SMG7: variants seen among roughly 807,000 people sequenced by gnomAD.
SMG7 encodes nonsense-mediated mRNA decay factor SMG7.
SMG7 carries 34 observed loss-of-function variants against 148.2 expected under a neutral mutation model. The observed-to-expected ratio is 0.23, with a 90% CI of 0.17 to 0.31. The LOEUF is 0.31. Among genes scored for constraint, SMG7 ranks in the 10% least tolerant of loss-of-function variants. The pLI, the probability that SMG7 is intolerant of heterozygous loss-of-function variation, is 1.00. For synonymous variants in SMG7, 492 were observed against 515.1 expected, an observed-to-expected ratio of 0.96 and a Z score of 0.61; for missense variants, 1,114 against 1,408.4, an observed-to-expected ratio of 0.79 and a Z score of 3.35.
intron 4 of SMG7, among the ~76,000 whole-genome samples, chr1:183,524,565 G>A (rs780723955): frequency 1.3e-5 from 2 of 152,132 alleles, no homozygotes; most frequent in Non-Finnish European, 2.9e-5. Context: ...TTAGGAAAAA[G>A]GTGGCATGAT....
At chr1:183,520,969 G>T (rs941527407) in intron 4 of SMG7, among the ~76,000 whole-genome samples, 1 of 151,884 alleles carries the variant, frequency 6.6e-6, no homozygotes, top group Admixed American at 6.6e-5. Context: ...CATTCCACAG[G>T]CAGTGATTGA....
intron 16 of SMG7, 74 bp downstream of exon 16, chr1:183,545,386 G>T: frequency 1.3e-6 from 2 of 1,501,162 alleles, no homozygotes; most frequent in South Asian, 2.5e-5. Flanking sequence ...TGTTAGAAAT[G>T]CTCATTAAAC....
chr1:183,474,223 T>C (rs891775313), intron 1 of SMG7, among the ~76,000 whole-genome samples: 12 of 152,248 alleles, frequency 7.9e-5, no homozygotes, highest in Admixed American at 2.0e-4. Flanking sequence ...GTTGAGTATC[T>C]GTTAGGCAAG....
At chr1:183,550,730 T>C (rs1205399969) in intron 20 of SMG7, 21 bp from the exon 21 acceptor site, 1 of 1,611,542 alleles carries the variant, frequency 6.2e-7, no homozygotes, top group South Asian at 1.1e-5. Flanking sequence ...TACTATATCC[T>C]GTGTTGCTAT....
At position 183,551,172 on chromosome 1, in the gene SMG7, C is replaced by A; in HGVS notation, c.3432C>A (p.Val1144=). Reference sequence around the variant, plus strand: ...CTTCCATGGAGGATTCCTCTGCTGTCCTCATGGAAAGCCTAAAGGTGAGTA... The same window carrying A: ...CTTCCATGGAGGATTCCTCTGCTGTACTCATGGAAAGCCTAAAGGTGAGTA... The part of the protein sequence containing the change: ...HGPSMEDSSA[V]LMESLKSIWS... The change falls in exon 22 of 23, where the codon GTC becomes GTA. Residue 1144 remains valine, a synonymous_variant. Transcript: ENST00000688051. 1 of 1,579,064 alleles carries A rather than the reference C, an allele frequency of 6.3e-7. No individual in the cohort carries two copies. The highest frequency in any genetic ancestry group is 1.2e-5 in the South Asian group (1 of 84,656).
intron 1 of SMG7, among the ~76,000 whole-genome samples, chr1:183,492,343 AACACAC>A (rs1476072606): frequency 2.0e-5 from 3 of 152,198 alleles, no homozygotes; most frequent in African/African-American, 7.2e-5. Context: ...TACATGTAAA[AACACAC>A]ATACACGTAT....
intron 1 of SMG7, among the ~76,000 whole-genome samples, chr1:183,476,742 T>C (rs1652277968): frequency 6.7e-6 from 1 of 150,168 alleles, no homozygotes; most frequent in Non-Finnish European, 1.5e-5. Context: ...AAGTTGAAAA[T>C]ACTTTGTTAT....
At position 183,528,887 on chromosome 1, in the gene SMG7, T is replaced by C. The variant is rs781083912; in HGVS notation, c.557-5T>C. 1 of 1,608,876 alleles carries C rather than the reference T, an allele frequency of 6.2e-7. No homozygotes were observed. Among genetic ancestry groups the C allele is most frequent in the South Asian group, 1.1e-5 (1 of 90,592 alleles). ...TTACTCCAGAATCTTAACTTTCTCCTGTAGGTCAGCCTTATAATCAGTTGG... is the reference window on the plus strand; with the variant it reads ...TTACTCCAGAATCTTAACTTTCTCCCGTAGGTCAGCCTTATAATCAGTTGG... On this transcript the variant is annotated splice_polypyrimidine_tract_variant and splice_region_variant and intron_variant, in intron 6 of 22. Transcript: ENST00000688051.
intron 2 of SMG7, among the ~76,000 whole-genome samples, chr1:183,515,072 G>A (rs1663166913): frequency 6.6e-6 from 1 of 152,178 alleles, no homozygotes; most frequent in East Asian, 1.9e-4. Context: ...CATAATCCCA[G>A]TGATTGCAAA....
intron 20 of SMG7, 137 bp from the exon 21 acceptor site, chr1:183,550,614 C>T: frequency 1.2e-6 from 1 of 815,400 alleles, no homozygotes; most frequent in East Asian, 2.6e-5. Flanking sequence ...TCTTTGGAGC[C>T]TTTAGTTTCC....
rs998025114 is a variant in SMG7, at chr1:183,553,396, G to C, written c.*1465G>C. ...TGGGAGGTCTCTCCTTTGTGTGTCTGTATGTTTGTGTACACACACGTGCCC... is the reference window on the plus strand; with the variant it reads ...TGGGAGGTCTCTCCTTTGTGTGTCTCTATGTTTGTGTACACACACGTGCCC... On this transcript the variant is annotated 3_prime_UTR_variant, in exon 23 of 23. Coordinates refer to ENST00000688051, the MANE Select transcript of SMG7 (RefSeq NM_001375584.1). The C allele has an allele frequency of 1.7e-6, 1 of 604,448 alleles. No homozygotes were observed. Among genetic ancestry groups the C allele is most frequent in the East Asian group, 3.0e-5 (1 of 33,216 alleles). The allele number at this position is 604,448 out of a possible 1,614,324, so 37.4% of individuals were successfully genotyped here.
chr1:183,551,299 A>T (rs992713388), intron 22 of SMG7, 109 bp downstream of exon 22: 55 of 989,596 alleles, frequency 5.6e-5, no homozygotes, highest in Non-Finnish European at 7.8e-5. Context: ...TGACTGATAC[A>T]TAGCACATAT....
In SMG7 at chr1:183,553,617, G is replaced by C. The variant is rs1044879; in HGVS notation, c.*1686G>C. On this transcript the variant is annotated 3_prime_UTR_variant, in exon 23 of 23. Coordinates refer to ENST00000688051, the MANE Select transcript of SMG7 (RefSeq NM_001375584.1). ...AGAGAGAGTGGTTGGAGCCCCCCCC[G>C]CCCCGTATGCTTACATTATTGCTCT... 0.17 allele frequency: 20,276 copies of C among 120,336 alleles called. 3,253 individuals carry two copies. Among genetic ancestry groups the C allele is most frequent in the East Asian group, 0.34 (1,132 of 3,338 alleles). The allele number at this position is 120,336 out of a possible 1,614,324, so 7.5% of individuals were successfully genotyped here.
At chr1:183,521,392 A>G (rs775017513) in intron 4 of SMG7, among the ~76,000 whole-genome samples, 4 of 152,072 alleles carry the variant, frequency 2.6e-5, no homozygotes, top group Admixed American at 1.3e-4. Context: ...GAGCCACTGC[A>G]CCTGGCCTCA....
chr1:183,516,218 A>G, intron 3 of SMG7: 1 of 386,380 alleles, frequency 2.6e-6, no homozygotes, highest in East Asian at 4.5e-5. Flanking sequence ...TAAGGTCATT[A>G]CGGCAGCTCT....
At chr1:183,485,861 A>C (rs1655295309) in intron 1 of SMG7, among the ~76,000 whole-genome samples, 1 of 152,230 alleles carries the variant, frequency 6.6e-6, no homozygotes, top group African/African-American at 2.4e-5. Context: ...GTAACAGATT[A>C]CTAAAGCTAT....
chr1:183,499,172 T>G (rs574939669), intron 1 of SMG7, among the ~76,000 whole-genome samples: 2 of 152,232 alleles, frequency 1.3e-5, no homozygotes, highest in Non-Finnish European at 2.9e-5. Context: ...GTTGCTTCAG[T>G]AGGTGAATGG....
intron 1 of SMG7, among the ~76,000 whole-genome samples, chr1:183,482,543 C>T (rs1186897376): frequency 6.6e-6 from 1 of 151,872 alleles, no homozygotes; most frequent in Non-Finnish European, 1.5e-5. Context: ...GTTTTAGTTA[C>T]CTTGTGGTCA....
In SMG7 at chr1:183,551,978, G is replaced by A; in HGVS notation, c.*47G>A. 2 of 1,601,056 alleles carry A rather than the reference G, an allele frequency of 1.2e-6. No homozygotes were observed. The highest frequency in any genetic ancestry group is 1.7e-6 in the Non-Finnish European group (2 of 1,172,520). ...ATGAAGGCTCCATAAACCATGGCAT[G>A]TTGGGTTTGCAGGACTGGCCCACAC... On this transcript the variant is annotated 3_prime_UTR_variant, in exon 23 of 23. Transcript: ENST00000688051.
Sources: allele counts gnomAD v4.1 joint callset (sites outside exome capture counted in the v4.1 genomes callset), GRCh38; gene constraint gnomAD v4.1.1; transcripts MANE v1.5; gene names NCBI Gene and HGNC (gene_info 2026-07-23, HGNC 2026-07-21).